The following MYCT1 variants were observed in gnomAD, a reference collection of about 807,000 sequenced individuals.
The protein encoded by MYCT1 is MYC target 1.
In MYCT1, 12 loss-of-function variants were observed where a neutral mutation model predicts 15.0. That is an observed-to-expected ratio of 0.80 (90% CI 0.51 to 1.29). MYCT1 has a LOEUF of 1.29. Among genes scored for constraint, MYCT1 ranks in the 50% most tolerant of loss-of-function variants. The probability of loss-of-function intolerance (pLI) is 0.00; values close to 1 mark genes in which losing one functional copy is unlikely to be tolerated. For synonymous variants in MYCT1, 104 were observed against 102.7 expected (o/e 1.01, Z -0.07); for missense variants, 287 against 279.1 (o/e 1.03, Z -0.20).
chr6:152,726,990 T>C (rs1204233942), downstream of MYCT1, among the ~76,000 whole-genome samples: 1 of 151,930 alleles, frequency 6.6e-6, no homozygotes, highest in Non-Finnish European at 1.5e-5. Context: ...TCCCAGCACT[T>C]TGGGAGGGCT....
At chr6:152,700,472 A>C (rs528612932) in intron 1 of MYCT1, among the ~76,000 whole-genome samples, 2 of 152,284 alleles carry the variant, frequency 1.3e-5, no homozygotes, top group South Asian at 4.1e-4. Flanking sequence ...ATGGCATAAT[A>C]ATATCGGGTT....
intron 1 of MYCT1, among the ~76,000 whole-genome samples, chr6:152,704,676 T>C (rs1444273014): frequency 1.3e-5 from 2 of 152,168 alleles, no homozygotes; most frequent in Admixed American, 1.3e-4. Context: ...TCAGGATTAC[T>C]TTGGCTTTTC....
downstream of MYCT1, among the ~76,000 whole-genome samples, chr6:152,724,860 A>G (rs1415521621): frequency 6.6e-6 from 1 of 151,940 alleles, no homozygotes; most frequent in East Asian, 1.9e-4. Context: ...AAGATTTTTA[A>G]AATTAATGCA....
At chr6:152,706,063 G>A (rs992842443) in intron 1 of MYCT1, 2 of 1,432,318 alleles carry the variant, frequency 1.4e-6, no homozygotes, top group Non-Finnish European at 2.0e-6. Context: ...CCTAAAAAAA[G>A]AGAAGGACCC....
chr6:152,743,914 T>A, the MYCT1 span, among the ~76,000 whole-genome samples: 1 of 152,174 alleles, frequency 6.6e-6, no homozygotes, highest in Non-Finnish European at 1.5e-5. Flanking sequence ...TTAAGAAGAA[T>A]GGTGATTTTA....
intron 1 of MYCT1, among the ~76,000 whole-genome samples, chr6:152,706,966 G>A (rs1454062086): frequency 6.6e-6 from 1 of 151,952 alleles, no homozygotes. Context: ...ATGCTGCAAT[G>A]AACATGGAAG....
the MYCT1 span, among the ~76,000 whole-genome samples, chr6:152,737,969 T>C: frequency 6.6e-6 from 1 of 152,124 alleles, no homozygotes; most frequent in Non-Finnish European, 1.5e-5. Flanking sequence ...GCAATTCTAT[T>C]TCTAGGAATT....
the MYCT1 span, among the ~76,000 whole-genome samples, chr6:152,746,565 A>G: frequency 6.6e-6 from 1 of 152,238 alleles, no homozygotes; most frequent in Non-Finnish European, 1.5e-5. Flanking sequence ...AACTGCAGAT[A>G]AGGGAGGACT....
chr6:152,731,030 A>G, the MYCT1 span, among the ~76,000 whole-genome samples: 19 of 152,334 alleles, frequency 1.2e-4, no homozygotes, highest in Non-Finnish European at 2.5e-4. Flanking sequence ...AAAGCATAAG[A>G]TATCAGAATT....
chr6:152,721,701 T>C, intron 1 of MYCT1, 41 bp from the exon 2 acceptor site: 1 of 1,566,290 alleles, frequency 6.4e-7, no homozygotes, highest in Admixed American at 1.8e-5. Flanking sequence ...GTTGAAAACC[T>C]ATTTAAAAAT....
intron 1 of MYCT1, among the ~76,000 whole-genome samples, chr6:152,699,305 G>A (rs1388618723): frequency 2.0e-5 from 3 of 151,490 alleles, no homozygotes; most frequent in Non-Finnish European, 4.4e-5. Flanking sequence ...TTAAAATTCA[G>A]CATAAGAAAA....
the MYCT1 span, among the ~76,000 whole-genome samples, chr6:152,745,142 C>T: frequency 6.6e-6 from 1 of 152,144 alleles, no homozygotes; most frequent in Non-Finnish European, 1.5e-5. Context: ...GTCCCAGGGC[C>T]TCTTTGAAAC....
chr6:152,700,480 G>C (rs2099721119), intron 1 of MYCT1, among the ~76,000 whole-genome samples: 2 of 152,178 alleles, frequency 1.3e-5, no homozygotes, highest in South Asian at 4.1e-4. Flanking sequence ...ATAATATCGG[G>C]TTATTACCAA....
At chr6:152,736,632 C>T in the MYCT1 span, among the ~76,000 whole-genome samples, 12,214 of 152,036 alleles carry the variant, frequency 0.08, 806 homozygotes, top group African/African-American at 0.17. Flanking sequence ...ACAAAAGAAA[C>T]TTTGCCTTAG....
At chr6:152,745,729 T>TG in the MYCT1 span, among the ~76,000 whole-genome samples, 1 of 152,176 alleles carries the variant, frequency 6.6e-6, no homozygotes, top group Admixed American at 6.5e-5. Flanking sequence ...TCCCTGGGTG[T>TG]GGACACCCAC....
intron 1 of MYCT1, among the ~76,000 whole-genome samples, chr6:152,701,176 C>A (rs910752290): frequency 6.6e-6 from 1 of 152,160 alleles, no homozygotes; most frequent in Admixed American, 6.5e-5. Flanking sequence ...ACATTCTAGT[C>A]ATTCATTTTT....
At chr6:152,707,582 T>C (rs1348418366) in intron 1 of MYCT1, among the ~76,000 whole-genome samples, 1 of 151,800 alleles carries the variant, frequency 6.6e-6, no homozygotes, top group Non-Finnish European at 1.5e-5. Context: ...CAGATCAATA[T>C]CAAGCTTTTT....
chr6:152,723,229 T>C lies in MYCT1; in HGVS notation c.*976T>C, dbSNP rs2099725037. The stretch of plus-strand genomic sequence containing the variant: ...TTTTTCCCAAGAATAGTTATCTACT[T>C]CCTGGAGGCAAAATCCTTGGATTTA... On this transcript the variant is annotated 3_prime_UTR_variant, in exon 2 of 2. Coordinates refer to ENST00000367245, the MANE Select transcript of MYCT1 (RefSeq NM_025107.3). 1 of 152,188 alleles carries C rather than the reference T, an allele frequency of 6.6e-6. No individual in the cohort carries two copies. Among genetic ancestry groups the C allele is most frequent in the Non-Finnish European group, 1.5e-5 (1 of 68,036 alleles). The allele number at this position is 152,188 out of a possible 1,614,324, so 9.4% of individuals were successfully genotyped here.
downstream of MYCT1, among the ~76,000 whole-genome samples, chr6:152,725,771 G>A (rs1276267773): frequency 2.0e-5 from 3 of 152,132 alleles, no homozygotes; most frequent in African/African-American, 7.2e-5. Context: ...CACCTGCCAG[G>A]TACACGGTTT....
Sources: gnomAD v4.1 joint callset for allele counts (sites outside exome capture counted in the v4.1 genomes callset) on GRCh38, gnomAD v4.1.1 for gene constraint, MANE v1.5 for transcripts, NCBI Gene and HGNC (gene_info 2026-07-23, HGNC 2026-07-21) for gene names.